SLC12A4: variants seen among roughly 807,000 people sequenced by gnomAD.
SLC12A4 encodes the protein solute carrier family 12 member 4, also known as electroneutral potassium-chloride cotransporter 1.
In SLC12A4, 84 loss-of-function variants were observed where a neutral mutation model predicts 119.2. The ratio of observed to expected loss-of-function variants is 0.70; its 90% confidence interval spans 0.59 to 0.85. SLC12A4 has a LOEUF of 0.85. Ranked by LOEUF, SLC12A4 falls within the 40% of genes least tolerant of loss-of-function variation. SLC12A4 has a pLI of 0.00. For synonymous variants in SLC12A4, 599 were observed against 604.6 expected, an observed-to-expected ratio of 0.99 and a Z score of 0.14; for missense variants, 1,298 against 1,476.3, an observed-to-expected ratio of 0.88 and a Z score of 1.98.
In SLC12A4 at chr16:67,963,532, G is replaced by A. The variant is rs924146508; in HGVS notation, c.143C>T (p.Pro48Leu). The A allele has an allele frequency of 6.3e-7, 1 of 1,584,684 alleles. No individual in the cohort carries two copies. Among genetic ancestry groups the A allele is most frequent in the Non-Finnish European group, 8.5e-7 (1 of 1,171,046 alleles). Residue 48 changes from proline to leucine, a missense_variant, in exon 2 of 24, where the codon CCT becomes CTT. Physicochemically the swap from Pro to Leu is moderately conservative, Grantham distance 98. Coordinates refer to ENST00000316341, the MANE Select transcript of SLC12A4 (RefSeq NM_005072.5). Reference protein sequence around the residue: ...DGHGNHRESSPFLSPLEASRG... With the variant: ...DGHGNHRESSLFLSPLEASRG... ...GGAAGCCTCCAAGGGGGAAAGAAAA[G>A]GGCTGCTCTCTCTGTGGTTGCCATG...
chr16:67,946,706 C>T (rs922987221), intron 17 of SLC12A4, 73 bp from the exon 18 acceptor site: 18 of 1,520,412 alleles, frequency 1.2e-5, no homozygotes, highest in Middle Eastern at 1.9e-4. Context: ...CAAGGCCCCT[C>T]GGGAACAAAA....
chr16:67,964,956 T>C (rs143186216), intron 1 of SLC12A4, among the ~76,000 whole-genome samples: 4 of 152,336 alleles, frequency 2.6e-5, no homozygotes, highest in Middle Eastern at 3.4e-3. Context: ...TGACAGTTTC[T>C]GGGGCAAAGT....
chr16:67,955,209 C>T (rs1241618000), intron 5 of SLC12A4, among the ~76,000 whole-genome samples: 3 of 152,246 alleles, frequency 2.0e-5, no homozygotes, highest in African/African-American at 4.8e-5. Flanking sequence ...CCTAAGGCCC[C>T]GCACAGTGCC....
rs201218685 is a variant in SLC12A4, at chr16:67,945,890, G to C, written c.2740-19C>G. ...TGTTATGCTGGGGACAGGGTTGGCC[G>C]TGAGGACCCAGCTGCACGGGACATG... On this transcript the variant is annotated intron_variant, in intron 20 of 23. Transcript: ENST00000316341. The C allele has an allele frequency of 8.1e-6, 13 of 1,613,578 alleles. No individual in the cohort carries two copies. The East Asian group carries it at 2.7e-4, about 33-fold the overall frequency.
intron 1 of SLC12A4, among the ~76,000 whole-genome samples, chr16:67,967,846 C>G (rs1424018886): frequency 6.6e-6 from 1 of 152,148 alleles, no homozygotes; most frequent in Non-Finnish European, 1.5e-5. Context: ...CTTCAAGTGC[C>G]TAGACACGTC....
chr16:67,961,848 G>T, intron 2 of SLC12A4, 142 bp from the exon 3 acceptor site: 2 of 1,090,138 alleles, frequency 1.8e-6, no homozygotes, highest in Non-Finnish European at 2.6e-6. Flanking sequence ...GGAAGTCCAA[G>T]CCATCCAACT....
At chr16:67,967,092 A>G (rs764899710) in intron 1 of SLC12A4, among the ~76,000 whole-genome samples, 4 of 152,238 alleles carry the variant, frequency 2.6e-5, no homozygotes, top group Non-Finnish European at 4.4e-5. Flanking sequence ...AGCTAGGGGC[A>G]GACAAGGGCA....
chr16:67,964,766 C>T (rs1228313332), intron 1 of SLC12A4, among the ~76,000 whole-genome samples: 1 of 152,192 alleles, frequency 6.6e-6, no homozygotes, highest in East Asian at 1.9e-4. Context: ...TTACATAGGC[C>T]ACAATTCATT....
At chr16:67,967,006 C>T in intron 1 of SLC12A4, 1 of 915,730 alleles carries the variant, frequency 1.1e-6, no homozygotes. Context: ...GCAGCCCAGT[C>T]TACCCTCTGG....
chr16:67,950,133 C>T lies in SLC12A4; in HGVS notation c.1629+186G>A. Reference sequence around the variant, plus strand: ...TAAACAGGCCATGAAGATTCTGGGTCCAGGCAGCTCCAGGCCCAGGTGAGT... The same window carrying T: ...TAAACAGGCCATGAAGATTCTGGGTTCAGGCAGCTCCAGGCCCAGGTGAGT... On this transcript the variant is annotated intron_variant, in intron 12 of 23. Transcript: ENST00000316341. The surrounding 1 kb of genome is among the most constrained non-coding windows in gnomAD (Gnocchi z 4.3). The T allele has an allele frequency of 1.4e-6, 1 of 719,266 alleles. No individual in the cohort carries two copies. Among genetic ancestry groups the T allele is most frequent in the African/African-American group, 1.8e-5 (1 of 56,058 alleles). 44.6% of individuals were successfully genotyped at this position (719,266 alleles called of 1,614,324 possible).
chr16:67,963,575 G>T lies in SLC12A4; in HGVS notation c.116-16C>A. On this transcript the variant is annotated splice_polypyrimidine_tract_variant and intron_variant, in intron 1 of 23. Transcript: ENST00000316341. ...TTGCCATGTCCTGTGAAGAGAGAGG[G>T]ACAATCAGGGCCTGCTTCCTGAGCC... The T allele has an allele frequency of 2.0e-6, 3 of 1,535,594 alleles. No individual in the cohort carries two copies. Among genetic ancestry groups the T allele is most frequent in the South Asian group, 1.2e-5 (1 of 80,796 alleles).
At position 67,965,805 on chromosome 16, in the gene SLC12A4, G is replaced by A. The variant is rs73596537; in HGVS notation, c.116-2246C>T. 8.1e-3 allele frequency among the ~76,000 whole-genome samples: 1,239 copies of A among 152,278 alleles called. 21 individuals carry two copies. The highest frequency in any genetic ancestry group is 0.029 in the African/African-American group (1,202 of 41,552). On this transcript the variant is annotated intron_variant, in intron 1 of 23. Coordinates refer to ENST00000316341, the MANE Select transcript of SLC12A4 (RefSeq NM_005072.5). The stretch of plus-strand genomic sequence containing the variant: ...CCAAAAGTTGTCTCTAGTTCTCACA[G>A]CAACATTCCAGTAGAGAGCATTTAC...
rs1414197811 is a variant in SLC12A4 at position 67,944,403 on chromosome 16, G to A, written c.*437C>T. 26 of 1,313,036 alleles carry A rather than the reference G, an allele frequency of 2.0e-5. No homozygotes were observed. The highest frequency in any genetic ancestry group is 1.4e-4 in the Admixed American group (4 of 29,412). The allele number at this position is 1,313,036 out of a possible 1,614,324, so 81.3% of individuals were successfully genotyped here. On this transcript the variant is annotated 3_prime_UTR_variant, in exon 24 of 24. Coordinates refer to ENST00000316341, the MANE Select transcript of SLC12A4 (RefSeq NM_005072.5). This position sits in a 1 kb window ranked among gnomAD's most constrained non-coding sequence, Gnocchi z 6.6. ...TCTCCATTCGGCTCAGCTTGGTGGG[G>A]GGCCCTGCCCATAGTAGACTGAGCC...
At position 67,950,034 on chromosome 16, in the gene SLC12A4, C is replaced by A; in HGVS notation, c.1630-116G>T. The A allele has an allele frequency of 1.2e-6, 1 of 813,510 alleles. No homozygotes were observed. Among genetic ancestry groups the A allele is most frequent in the Non-Finnish European group, 2.0e-6 (1 of 490,640 alleles). 50.4% of individuals were successfully genotyped at this position (813,510 alleles called of 1,614,324 possible). ...CCCGCCTTGGGGGCTCAGGCCGCCC[C>A]TGTGTCTATCCCTATGGGTGTCACC... On this transcript the variant is annotated intron_variant, in intron 12 of 23. Coordinates refer to ENST00000316341, the MANE Select transcript of SLC12A4 (RefSeq NM_005072.5). The surrounding 1 kb of genome is among the most constrained non-coding windows in gnomAD (Gnocchi z 4.3).
Position 67,946,534 on chromosome 16 carries a change from A to G in SLC12A4, c.2341T>C (p.Cys781Arg). 6.2e-7 allele frequency: 1 copy of G among 1,611,406 alleles called. No homozygotes were observed. Among genetic ancestry groups the G allele is most frequent in the Non-Finnish European group, 8.5e-7 (1 of 1,180,014 alleles). ...TTATGCCGCATGCCTCCCAGGCCAC[A>G]GGACTGGATGAGGTGGGCCAGCCCC... ...REGLAHLIQS[C>R]GLGGMRHNSV... The change falls in exon 18 of 24, where the codon TGT becomes CGT. Residue 781 changes from cysteine (C) to arginine (R), a missense_variant. Cys to Arg is a radical substitution (Grantham distance 180). Transcript: ENST00000316341.
chr16:67,961,695 G>A lies in SLC12A4; in HGVS notation c.222C>T (p.Asp74=), dbSNP rs1396622622. 1 of 1,614,112 alleles carries A rather than the reference G, an allele frequency of 6.2e-7. No homozygotes were observed. Among genetic ancestry groups the A allele is most frequent in the Admixed American group, 1.7e-5 (1 of 60,026 alleles). Residue 74 remains aspartate (D), a synonymous_variant, in exon 3 of 24, where the codon GAC becomes GAT. Coordinates refer to ENST00000316341, the MANE Select transcript of SLC12A4 (RefSeq NM_005072.5). ...GAAGAGACGATACCTTTGGGCGGAT[G>A]TCCAGCTCTTCCTGCAAACAGAGCC... ...RNLALFEEEL[D]IRPKVSSLLG...
rs1339187301 is a variant in SLC12A4, at chr16:67,963,563, T to G, written c.116-4A>C. ...CTCTCTCTGTGGTTGCCATGTCCTGTGAAGAGAGAGGGACAATCAGGGCCT... is the reference window on the plus strand; with the variant it reads ...CTCTCTCTGTGGTTGCCATGTCCTGGGAAGAGAGAGGGACAATCAGGGCCT... On this transcript the variant is annotated splice_polypyrimidine_tract_variant and splice_region_variant and intron_variant, in intron 1 of 23. Coordinates refer to ENST00000316341, the MANE Select transcript of SLC12A4 (RefSeq NM_005072.5). 6.4e-7 allele frequency: 1 copy of G among 1,561,242 alleles called. No homozygotes were observed. Among genetic ancestry groups the G allele is most frequent in the South Asian group, 1.2e-5 (1 of 83,222 alleles).
In SLC12A4 at chr16:67,950,220, T is replaced by C; in HGVS notation, c.1629+99A>G. On this transcript the variant is annotated intron_variant, in intron 12 of 23. Coordinates refer to ENST00000316341, the MANE Select transcript of SLC12A4 (RefSeq NM_005072.5). The surrounding 1 kb of genome is among the most constrained non-coding windows in gnomAD (Gnocchi z 4.3). ...ATGGCCGCCTGGCCCCGGGGGCCAA[T>C]AAGGGCAGGACGTGCTGCATCTGTG... 1 of 1,424,490 alleles carries C rather than the reference T, an allele frequency of 7.0e-7. No individual in the cohort carries two copies. Among genetic ancestry groups the C allele is most frequent in the Non-Finnish European group, 9.5e-7 (1 of 1,053,330 alleles). 88.2% of individuals were successfully genotyped at this position (1,424,490 alleles called of 1,614,324 possible).
chr16:67,961,603 C>T lies in SLC12A4; in HGVS notation c.314G>A (p.Gly105Glu). 1 of 1,613,952 alleles carries T rather than the reference C, an allele frequency of 6.2e-7. No individual in the cohort carries two copies. Among genetic ancestry groups the T allele is most frequent in the Admixed American group, 1.7e-5 (1 of 60,028 alleles). ...GGCTGCCCTCCGGCGGGTGCCCTCC[C>T]CACTCTCGGCCTCCTCATGCTCTTT... ...GAKEHEEAES[G>E]EGTRRRAAEA... Residue 105 changes from glycine to glutamate, a missense_variant, in exon 3 of 24, where the codon GGG (glycine) becomes GAG (glutamate). Coordinates refer to ENST00000316341, the MANE Select transcript of SLC12A4 (RefSeq NM_005072.5).
Sources: gnomAD v4.1 joint callset for allele counts (sites outside exome capture counted in the v4.1 genomes callset) on GRCh38, gnomAD v4.1.1 for gene constraint, Gnocchi (gnomAD v3.1) non-coding constraint, MANE v1.5 for transcripts, NCBI Gene and HGNC (gene_info 2026-07-23, HGNC 2026-07-21) for gene names.